Variants in ZNF846 observed in about 807,000 individuals in gnomAD.
ZNF846 encodes the protein zinc finger protein 846.
ZNF846 carries 15 observed loss-of-function variants against 16.0 expected under a neutral mutation model. The ratio of observed to expected loss-of-function variants is 0.94; its 90% CI spans 0.63 to 1.45. The LOEUF is 1.45. Among genes scored for constraint, ZNF846 ranks in the 40% most tolerant of loss-of-function variants. ZNF846 has a pLI of 0.00. For synonymous variants in ZNF846, 229 were observed against 212.0 expected (o/e 1.08, Z -0.70); for missense variants, 714 against 622.3 (o/e 1.15, Z -1.57).
At chr19:9,759,756 C>T in intron 5 of ZNF846, 104 bp downstream of exon 5, 1 of 780,490 alleles carries the variant, frequency 1.3e-6, no homozygotes, top group South Asian at 1.8e-5. Flanking sequence ...AGAATCTCTT[C>T]AGACTTTGTT....
At chr19:9,770,297 G>GATTGCCTACTGTAGAT (rs1568327767), upstream of ZNF846, among the ~76,000 whole-genome samples, 1 of 133,624 alleles carries the variant, frequency 7.5e-6, no homozygotes, top group East Asian at 2.4e-4. Flanking sequence ...TGTCTGTATA[G>GATTGCCTACTGTAGAT]ATTGCCTACT....
intron 1 of ZNF846, among the ~76,000 whole-genome samples, chr19:9,784,776 T>C (rs1183017587): frequency 6.6e-6 from 1 of 152,062 alleles, no homozygotes; most frequent in Non-Finnish European, 1.5e-5. Context: ...TAACCGAGAA[T>C]GGAGCATGGC....
chr19:9,779,302 CTT>C (rs781112389), intron 1 of ZNF846, among the ~76,000 whole-genome samples: 3 of 151,850 alleles, frequency 2.0e-5, no homozygotes, highest in Non-Finnish European at 4.4e-5. Context: ...GAGTTTCACT[CTT>C]GTTGCCCAGG....
chr19:9,762,073 T>C lies in ZNF846; in HGVS notation c.229+9A>G, dbSNP rs2045239708. 6.2e-7 allele frequency: 1 copy of C among 1,612,548 alleles called. No homozygotes were observed. Among genetic ancestry groups the C allele is most frequent in the Non-Finnish European group, 8.5e-7 (1 of 1,178,720 alleles). ...AGTGCCATAATACCACATCTGCTTA[T>C]GAACTCACCCTGCAGAACTCCTGTC... On this transcript the variant is annotated intron_variant, in intron 4 of 5. Coordinates refer to ENST00000397902, the Ensembl canonical transcript of ZNF846.
At chr19:9,773,046 G>A (rs922073479), upstream of ZNF846, among the ~76,000 whole-genome samples, 1 of 152,060 alleles carries the variant, frequency 6.6e-6, no homozygotes, top group African/African-American at 2.4e-5. Flanking sequence ...GGGTGATAGA[G>A]CCAGACCTTG....
Position 9,784,725 on chromosome 19 carries a change from A to G in ZNF846, c.-86+1213T>C, listed in dbSNP as rs544847276. 2.0e-5 allele frequency among the ~76,000 whole-genome samples: 3 copies of G among 152,298 alleles called. No homozygotes were observed. In the East Asian group the frequency reaches 5.8e-4, roughly 29 times the overall value. On this transcript the variant is annotated intron_variant, in intron 1 of 4. Transcript: ENST00000586814. ...GGACAATACCCGGGCTTTCTTGGGC[A>G]GAGGTGCCTGCGGCCTTCCACAGTG...
At chr19:9,770,514 C>A (rs1476645213), upstream of ZNF846, among the ~76,000 whole-genome samples, 44 of 135,796 alleles carry the variant, frequency 3.2e-4, no homozygotes, top group African/African-American at 1.2e-3. Flanking sequence ...TTGGATAATA[C>A]AAGACGCATT....
chr19:9,777,861 A>G (rs2045463188), intron 1 of ZNF846, among the ~76,000 whole-genome samples: 1 of 152,112 alleles, frequency 6.6e-6, no homozygotes, highest in Admixed American at 6.6e-5. Context: ...AAGCCAGACT[A>G]AAACTTGAGT....
Position 9,757,846 on chromosome 19 carries a change from G to A in ZNF846, c.1231C>T (p.Gln411Ter). 2 of 1,612,134 alleles carry A rather than the reference G, an allele frequency of 1.2e-6. No homozygotes were observed. The highest frequency in any genetic ancestry group is 1.4e-5 in the African/African-American group (1 of 73,982). Residue 411 changes from glutamine to a stop codon, truncating the protein, a stop_gained, in exon 6 of 6, where the codon CAA becomes TAA. Coordinates refer to ENST00000397902, the Ensembl canonical transcript of ZNF846. LOFTEE classifies it low-confidence loss of function (END_TRUNC). ...TCTCCAGTGTGAATCCTTACATGTT[G>A]ACTAAGCATTGAGGAATTATTAAAG... is the stretch of plus-strand genomic sequence containing the variant.
intron 5 of ZNF846, chr19:9,752,458 A>G: frequency 2.4e-6 from 1 of 422,286 alleles, no homozygotes; most frequent in Non-Finnish European, 4.8e-6. Context: ...AAAAAAAAAT[A>G]CACAAAATTA....
chr19:9,772,081 T>G (rs2045394488), upstream of ZNF846, among the ~76,000 whole-genome samples: 1 of 152,166 alleles, frequency 6.6e-6, no homozygotes, highest in African/African-American at 2.4e-5. Flanking sequence ...CAGACATTTT[T>G]AAGACTATGT....
At chr19:9,774,570 T>C (rs2045418627) in intron 1 of ZNF846, 3 of 1,504,578 alleles carry the variant, frequency 2.0e-6, no homozygotes, top group Non-Finnish European at 1.8e-6. Context: ...TCCCGTAACA[T>C]CCAGGTTGAT....
chr19:9,763,190 T>C, intron 3 of ZNF846, 92 bp downstream of exon 3: 2 of 1,218,306 alleles, frequency 1.6e-6, no homozygotes, highest in Non-Finnish European at 2.2e-6. Flanking sequence ...TCCATGCCTG[T>C]CTTGCTTATT....
chr19:9,781,062 G>A (rs951448514), intron 1 of ZNF846, among the ~76,000 whole-genome samples: 14 of 152,152 alleles, frequency 9.2e-5, no homozygotes, highest in Non-Finnish European at 2.1e-4. Context: ...TTGTCCACTT[G>A]ATATAGTCCT....
chr19:9,772,523 C>T (rs1256680109), upstream of ZNF846, among the ~76,000 whole-genome samples: 1 of 151,568 alleles, frequency 6.6e-6, no homozygotes, highest in Non-Finnish European at 1.5e-5. Flanking sequence ...TCGCTTGAAC[C>T]CAGGAGGCAG....
chr19:9,773,577 C>T (rs1252995956), upstream of ZNF846, among the ~76,000 whole-genome samples: 1 of 151,910 alleles, frequency 6.6e-6, no homozygotes, highest in Non-Finnish European at 1.5e-5. Flanking sequence ...AGGTCAGGAG[C>T]TTGAGACCAG....
At chr19:9,769,433 G>C (rs183636869), upstream of ZNF846, among the ~76,000 whole-genome samples, 25 of 151,974 alleles carry the variant, frequency 1.6e-4, no homozygotes, top group Middle Eastern at 3.4e-3. Flanking sequence ...GTCTCTCTTT[G>C]TTACCCAGGC....
chr19:9,770,392 C>T (rs929741566), upstream of ZNF846, among the ~76,000 whole-genome samples: 16 of 151,436 alleles, frequency 1.1e-4, no homozygotes, highest in Non-Finnish European at 2.4e-4. Context: ...ATCCAATTAG[C>T]ATGTATCAGT....
In ZNF846 at chr19:9,758,802, A is replaced by T. The variant is rs114156830; in HGVS notation, c.313-38T>A. ...AAAAGATGAATAAAGAATTTCTCAC[A>T]TTCAGTATGGTAACAGAATTTCTCC... is the stretch of plus-strand genomic sequence containing the variant. On this transcript the variant is annotated intron_variant, in intron 5 of 5. Transcript: ENST00000397902. 2,022 of 1,464,680 alleles carry T rather than the reference A, an allele frequency of 1.4e-3. 93 individuals carry two copies. The African/African-American group carries it at 0.026, about 19-fold the overall frequency. The allele number at this position is 1,464,680 out of a possible 1,614,324, so 90.7% of individuals were successfully genotyped here.
Sources: allele counts gnomAD v4.1 joint callset (sites outside exome capture counted in the v4.1 genomes callset), GRCh38; gene constraint gnomAD v4.1.1; transcripts MANE v1.5; gene names NCBI Gene and HGNC (gene_info 2026-07-23, HGNC 2026-07-21).